The following LHX2 variants were observed in gnomAD, a reference collection of about 807,000 sequenced individuals.
LHX2 encodes the protein LIM homeobox 2, also known as LIM/homeobox protein Lhx2.
LHX2 carries 6 observed loss-of-function variants against 33.0 expected under a neutral mutation model. The observed-to-expected ratio is 0.18, with a 90% CI of 0.10 to 0.36. The LOEUF (loss-of-function observed/expected upper bound fraction) is 0.36. Ranked by LOEUF, LHX2 falls within the 10% of genes least tolerant of loss-of-function variation. LHX2 has a pLI of 1.00. For missense variants in LHX2, 442 were observed against 586.2 expected (o/e 0.75, Z 2.54); for synonymous variants, 292 against 253.1 (o/e 1.15, Z -1.46).
intron 4 of LHX2, among the ~76,000 whole-genome samples, chr9:124,030,627 C>CTTTTTTTTT (rs35399092): frequency 9.5e-6 from 1 of 105,600 alleles, no homozygotes; most frequent in Non-Finnish European, 1.8e-5. Flanking sequence ...TTTTTCTTTT[C>CTTTTTTTTT]TTTTTTTTTT....
intron 4 of LHX2, among the ~76,000 whole-genome samples, chr9:124,022,806 C>G (rs1260711403): frequency 6.6e-6 from 1 of 152,214 alleles, no homozygotes; most frequent in African/African-American, 2.4e-5. Flanking sequence ...GGAGTTGGGG[C>G]CCCTAGGCTC....
chr9:124,024,770 G>A (rs1206534192), intron 4 of LHX2, among the ~76,000 whole-genome samples: 1 of 152,150 alleles, frequency 6.6e-6, no homozygotes, highest in Non-Finnish European at 1.5e-5. Context: ...TCTTCATTTT[G>A]CAGATGATGA....
At chr9:124,024,915 T>A (rs1049035406) in intron 4 of LHX2, among the ~76,000 whole-genome samples, 1 of 152,128 alleles carries the variant, frequency 6.6e-6, no homozygotes, top group African/African-American at 2.4e-5. Flanking sequence ...GATTTTGACT[T>A]TTTTCCCTTG....
intron 4 of LHX2, among the ~76,000 whole-genome samples, chr9:124,029,337 G>A (rs1463995106): frequency 6.6e-6 from 1 of 151,994 alleles, no homozygotes; most frequent in Non-Finnish European, 1.5e-5. Flanking sequence ...ATGCACCGGG[G>A]GACATGAAGA....
In LHX2 at chr9:124,021,137, C is replaced by A; in HGVS notation, c.766C>A (p.Arg256Ser). The change falls in exon 4 of 5, where the codon CGT becomes AGT. Residue 256 changes from arginine (R) to serine (S), a missense_variant. Transcript: ENST00000373615. ...CNENDAEHLD[R>S]DQPYPSSQKT... ...CGAAAACGACGCAGAGCACCTGGACCGTGACCAGCCATACCCGAGCAGCCA... is the reference window on the plus strand; with the variant it reads ...CGAAAACGACGCAGAGCACCTGGACAGTGACCAGCCATACCCGAGCAGCCA... 2 of 1,614,158 alleles carry A rather than the reference C, an allele frequency of 1.2e-6. No homozygotes were observed. The highest frequency in any genetic ancestry group is 1.7e-6 in the Non-Finnish European group (2 of 1,180,040).
chr9:124,025,667 A>C (rs939743224), intron 4 of LHX2, among the ~76,000 whole-genome samples: 12 of 152,086 alleles, frequency 7.9e-5, no homozygotes, highest in Non-Finnish European at 7.3e-5. Context: ...AAGAAAACAC[A>C]TTTTAACCAC....
chr9:124,017,888 C>T (rs76496856), intron 3 of LHX2, among the ~76,000 whole-genome samples: 53,790 of 151,734 alleles, frequency 0.35, 11,150 homozygotes, highest in Admixed American at 0.47. Flanking sequence ...CCTCCCCCTA[C>T]CCCGGGAGGG....
At chr9:124,027,528 C>A (rs1828643892) in intron 4 of LHX2, among the ~76,000 whole-genome samples, 1 of 152,150 alleles carries the variant, frequency 6.6e-6, no homozygotes, top group African/African-American at 2.4e-5. Context: ...TTATAAAATG[C>A]CTGGCACTGG....
chr9:124,021,623 G>A (rs1859295635), intron 4 of LHX2, among the ~76,000 whole-genome samples: 1 of 151,954 alleles, frequency 6.6e-6, no homozygotes. Flanking sequence ...TATTATTCAA[G>A]TGACACTCAT....
Position 124,016,545 on chromosome 9 carries a change from A to C in LHX2, c.727+1020A>C, listed in dbSNP as rs1340929813. Among the ~76,000 whole-genome samples the C allele has an allele frequency of 6.6e-6, 1 of 152,196 alleles. No homozygotes were observed. The highest frequency in any genetic ancestry group is 1.5e-5 in the Non-Finnish European group (1 of 68,044). On this transcript the variant is annotated intron_variant, in intron 3 of 4. Coordinates refer to ENST00000373615, the MANE Select transcript of LHX2 (RefSeq NM_004789.4). This position sits in a 1 kb window ranked among gnomAD's most constrained non-coding sequence, Gnocchi z 4.4. ...TTTAGTCTAATGCACAAGCAGAAAA[A>C]AGCAAAAACAAAAACAAACCCAAGA...
rs1299662230 is a variant in LHX2, at chr9:124,016,272, C to T, written c.727+747C>T. On this transcript the variant is annotated intron_variant, in intron 3 of 4. Transcript: ENST00000373615. This position sits in a 1 kb window ranked among gnomAD's most constrained non-coding sequence, Gnocchi z 4.4. ...AGGTGGGGGGCTTGGTTCGGATTTC[C>T]GGCATCTTTGAACCCCAGGCCATTC... Among the ~76,000 whole-genome samples, 6 of 152,220 alleles carry T rather than the reference C, an allele frequency of 3.9e-5. No homozygotes were observed. In the East Asian group the frequency reaches 1.2e-3, roughly 30 times the overall value.
rs144443292 is a variant in LHX2, at chr9:124,014,985, C to T, written c.324-137C>T. 9 of 905,608 alleles carry T rather than the reference C, an allele frequency of 9.9e-6. No individual in the cohort carries two copies. Among genetic ancestry groups the T allele is most frequent in the Admixed American group, 7.2e-5 (3 of 41,792 alleles). The allele number at this position is 905,608 out of a possible 1,614,324, so 56.1% of individuals were successfully genotyped here. ...GGTCAAAATCTAGTTCTCTCTCCCC[C>T]CCATCCTCCAAATAAAGGCCGGGTT... is the stretch of plus-strand genomic sequence containing the variant. On this transcript the variant is annotated intron_variant, in intron 2 of 4. Transcript: ENST00000373615. The surrounding 1 kb of genome is among the most constrained non-coding windows in gnomAD (Gnocchi z 4.8).
rs1324665644 is a variant in LHX2, at chr9:124,032,532, C to T, written c.1046C>T (p.Pro349Leu). 6.8e-6 allele frequency: 11 copies of T among 1,613,912 alleles called. No homozygotes were observed. The highest frequency in any genetic ancestry group is 2.7e-5 in the African/African-American group (2 of 75,036). Residue 349 changes from proline to leucine, a missense_variant, in exon 5 of 5, where the codon CCG (proline) becomes CTG (leucine). Pro to Leu is a moderately conservative substitution (Grantham distance 98). Around this residue, in one of 5 missense-constraint regions of LHX2, gnomAD observed 109 missense variants for 98.7 expected, o/e 1.10. Transcript: ENST00000373615. The surrounding 1 kb of genome is among the most constrained non-coding windows in gnomAD (Gnocchi z 4.1). Reference sequence around the variant, plus strand: ...CTGCAGACAGGGACGCCATCGGGCCCGGCCTCGGAGCTCTCCAACGCCTCG... The same window carrying T: ...CTGCAGACAGGGACGCCATCGGGCCTGGCCTCGGAGCTCTCCAACGCCTCG... ...AALQTGTPSG[P>L]ASELSNASLS...
At chr9:124,027,010 G>A (rs534069521) in intron 4 of LHX2, among the ~76,000 whole-genome samples, 1 of 152,286 alleles carries the variant, frequency 6.6e-6, no homozygotes, top group South Asian at 2.1e-4. Flanking sequence ...GGCCTAAGCT[G>A]TATGGAGTTT....
At chr9:124,030,972 C>T (rs907935256) in intron 4 of LHX2, among the ~76,000 whole-genome samples, 4 of 151,986 alleles carry the variant, frequency 2.6e-5, no homozygotes, top group Admixed American at 2.0e-4. Flanking sequence ...TGCTTACAGG[C>T]GTGTGTGCAA....
intron 4 of LHX2, among the ~76,000 whole-genome samples, chr9:124,023,353 G>A (rs1013742697): frequency 4.6e-5 from 7 of 152,194 alleles, no homozygotes; most frequent in African/African-American, 1.7e-4. Context: ...GACAGTTTAC[G>A]AATTTGTGTT....
chr9:124,026,656 A>G (rs7034780), intron 4 of LHX2, among the ~76,000 whole-genome samples: 59,006 of 151,942 alleles, frequency 0.39, 12,090 homozygotes, highest in Admixed American at 0.49. Flanking sequence ...AGATCAGAGC[A>G]TGTTAGCATT....
chr9:124,017,779 G>T (rs1859217046), intron 3 of LHX2, among the ~76,000 whole-genome samples: 1 of 152,100 alleles, frequency 6.6e-6, no homozygotes, highest in Non-Finnish European at 1.5e-5. Flanking sequence ...TGGGCTTACA[G>T]CAGAGCCGCG....
Position 124,012,311 on chromosome 9 carries a change from G to A in LHX2, c.-38G>A. 6.8e-7 allele frequency: 1 copy of A among 1,474,052 alleles called. No homozygotes were observed. Among genetic ancestry groups the A allele is most frequent in the Non-Finnish European group, 8.9e-7 (1 of 1,117,464 alleles). The allele number at this position is 1,474,052 out of a possible 1,614,324, so 91.3% of individuals were successfully genotyped here. On this transcript the variant is annotated 5_prime_UTR_variant, in exon 1 of 5. Transcript: ENST00000373615. This position sits in a 1 kb window ranked among gnomAD's most constrained non-coding sequence, Gnocchi z 4.3. ...TGAGGCGGGGGGCAAGCCCTCCCTC[G>A]GAGGAGCCGCGCCCCCGGCCCCGCC...
Sources: allele counts gnomAD v4.1 joint callset (sites outside exome capture counted in the v4.1 genomes callset), GRCh38; gene constraint gnomAD v4.1.1; regional missense constraint gnomAD v4.1.1; non-coding constraint Gnocchi (gnomAD v3.1); transcripts MANE v1.5; gene names NCBI Gene and HGNC (gene_info 2026-07-23, HGNC 2026-07-21).